NPAS3: variants seen among roughly 807,000 people sequenced by gnomAD.
NPAS3 encodes neuronal PAS domain-containing protein 3.
Under a neutral mutation model 73.1 loss-of-function variants are expected in NPAS3, and 14 were observed. That is an observed-to-expected ratio of 0.19 (90% CI 0.13 to 0.30). NPAS3 has a LOEUF of 0.30. Ranked by LOEUF, NPAS3 falls within the 10% of genes least tolerant of loss-of-function variation. NPAS3 has a pLI of 1.00. For synonymous variants in NPAS3, 620 were observed against 541.5 expected, an observed-to-expected ratio of 1.14 and a Z score of -2.01; for missense variants, 1,096 against 1,250.0, an observed-to-expected ratio of 0.88 and a Z score of 1.86.
Position 33,009,424 on chromosome 14 carries a change from G to T in NPAS3, c.51-46481G>T, listed in dbSNP as rs1473868090. 3.9e-5 allele frequency among the ~76,000 whole-genome samples: 6 copies of T among 152,116 alleles called. No homozygotes were observed. The East Asian group carries it at 1.2e-3, about 30-fold the overall frequency. On this transcript the variant is annotated intron_variant, in intron 1 of 11. Transcript: ENST00000356141. ...TTGGATTGATATGGGAAGATGGAAA[G>T]GCTGATTTCAGGAGGGAAAGTGATT...
intron 5 of NPAS3, among the ~76,000 whole-genome samples, chr14:33,602,487 G>C (rs555546780): frequency 1.1e-4 from 16 of 152,180 alleles, no homozygotes; most frequent in Non-Finnish European, 2.2e-4. Context: ...CACTAGGAAC[G>C]ATACTTTACT....
intron 4 of NPAS3, among the ~76,000 whole-genome samples, chr14:33,374,728 A>G (rs2046246998): frequency 6.6e-6 from 1 of 151,724 alleles, no homozygotes; most frequent in Non-Finnish European, 1.5e-5. Flanking sequence ...GAGAATGCCA[A>G]ATCTGCTGAT....
intron 4 of NPAS3, among the ~76,000 whole-genome samples, chr14:33,545,416 C>CGTAA (rs1187208752): frequency 6.6e-6 from 1 of 152,136 alleles, no homozygotes; most frequent in East Asian, 1.9e-4. Context: ...GACACTTTTA[C>CGTAA]GTGTGTTAAC....
intron 1 of NPAS3, among the ~76,000 whole-genome samples, chr14:33,002,223 G>C (rs2038834087): frequency 6.6e-6 from 1 of 152,166 alleles, no homozygotes; most frequent in Non-Finnish European, 1.5e-5. Context: ...ATCCATAAGA[G>C]CAGGGACTAT....
chr14:33,557,696 G>T (rs773342247), intron 4 of NPAS3, among the ~76,000 whole-genome samples: 3 of 152,184 alleles, frequency 2.0e-5, no homozygotes, highest in African/African-American at 7.2e-5. Context: ...ACAGCTGGGC[G>T]CAGTGGCTCA....
chr14:32,996,012 G>T (rs1195311825), intron 1 of NPAS3, among the ~76,000 whole-genome samples: 1 of 152,158 alleles, frequency 6.6e-6, no homozygotes, highest in African/African-American at 2.4e-5. Context: ...TTGTTAAATG[G>T]CTTTGATCAA....
At chr14:33,371,134 A>T (rs1453788846) in intron 4 of NPAS3, among the ~76,000 whole-genome samples, 1 of 152,200 alleles carries the variant, frequency 6.6e-6, no homozygotes, top group African/African-American at 2.4e-5. Flanking sequence ...ATGGACAGAA[A>T]GAAAAAGCAA....
intron 5 of NPAS3, among the ~76,000 whole-genome samples, chr14:33,637,569 G>A (rs570768751): frequency 7.2e-5 from 11 of 152,316 alleles, no homozygotes; most frequent in South Asian, 2.1e-4. Context: ...CCTATTGAAT[G>A]TAATGGATTG....
At chr14:33,352,052 AAC>A (rs200023380) in intron 3 of NPAS3, among the ~76,000 whole-genome samples, 30 of 152,190 alleles carry the variant, frequency 2.0e-4, no homozygotes, top group African/African-American at 6.3e-4. Flanking sequence ...TTAAAAAAAA[AAC>A]ATCTGCGGTT....
chr14:33,415,840 A>T (rs1181348773), intron 4 of NPAS3, among the ~76,000 whole-genome samples: 4 of 152,034 alleles, frequency 2.6e-5, no homozygotes, highest in Non-Finnish European at 5.9e-5. Flanking sequence ...TTCCAAACTT[A>T]GTTTTAGAAC....
intron 1 of NPAS3, among the ~76,000 whole-genome samples, chr14:32,958,982 A>G (rs1016819199): frequency 1.4e-5 from 2 of 139,310 alleles, no homozygotes; most frequent in African/African-American, 5.6e-5. Context: ...GTCTTGGGCC[A>G]CACATAAAAT....
At chr14:33,490,280 T>C (rs1204090653) in intron 4 of NPAS3, among the ~76,000 whole-genome samples, 3 of 152,190 alleles carry the variant, frequency 2.0e-5, no homozygotes, top group Non-Finnish European at 2.9e-5. Flanking sequence ...TTTTCTGTTT[T>C]ATATTACTAA....
chr14:33,782,149 C>T (rs1214553391), intron 9 of NPAS3, among the ~76,000 whole-genome samples: 1 of 152,208 alleles, frequency 6.6e-6, no homozygotes, highest in Non-Finnish European at 1.5e-5. Context: ...AAACCAATTT[C>T]ACCAATTATT....
At chr14:33,722,150 C>G (rs955394850) in intron 6 of NPAS3, among the ~76,000 whole-genome samples, 6 of 152,136 alleles carry the variant, frequency 3.9e-5, no homozygotes, top group Admixed American at 2.0e-4. Context: ...AGAAGCCATC[C>G]AACATAACAT....
intron 5 of NPAS3, among the ~76,000 whole-genome samples, chr14:33,658,762 C>A (rs1692217507): frequency 6.6e-6 from 1 of 152,134 alleles, no homozygotes; most frequent in South Asian, 2.1e-4. Flanking sequence ...GGATCAAAGG[C>A]AGCTGTCTTT....
upstream of NPAS3, among the ~76,000 whole-genome samples, chr14:32,938,468 A>AGAGAGAGAAAGT (rs1555372875): frequency 3.2e-5 from 4 of 124,986 alleles, no homozygotes; most frequent in Admixed American, 8.0e-5. Context: ...AGAGAGAGAG[A>AGAGAGAGAAAGT]GAGAGAGAGA....
At chr14:33,348,168 G>A (rs1458026887) in intron 3 of NPAS3, among the ~76,000 whole-genome samples, 1 of 152,166 alleles carries the variant, frequency 6.6e-6, no homozygotes, top group African/African-American at 2.4e-5. Context: ...GCAAGCCTCA[G>A]TAACTTGCCC....
chr14:32,960,152 G>A (rs1056799002), intron 1 of NPAS3, among the ~76,000 whole-genome samples: 1 of 152,022 alleles, frequency 6.6e-6, no homozygotes. Context: ...GAGATCACCC[G>A]AGAGGGTTTA....
intron 2 of NPAS3, among the ~76,000 whole-genome samples, chr14:33,099,461 C>T (rs2042520408): frequency 1.3e-5 from 2 of 151,656 alleles, no homozygotes; most frequent in South Asian, 4.2e-4. Flanking sequence ...TAAAATTCTA[C>T]ATTAAATGTA....
Sources: allele counts gnomAD v4.1 joint callset (sites outside exome capture counted in the v4.1 genomes callset), GRCh38; gene constraint gnomAD v4.1.1; transcripts MANE v1.5; gene names NCBI Gene and HGNC (gene_info 2026-07-23, HGNC 2026-07-21).